The following TRAPPC12 variants were observed in gnomAD, a reference collection of about 807,000 sequenced individuals.
The protein encoded by TRAPPC12 is trafficking protein particle complex subunit 12.
Under a neutral mutation model 69.2 loss-of-function variants are expected in TRAPPC12, and 61 were observed. The observed-to-expected ratio is 0.88, with a 90% CI of 0.72 to 1.09. The LOEUF (loss-of-function observed/expected upper bound fraction) is 1.09, where lower values mean the gene tolerates loss of function less well. TRAPPC12 is among the 50% of genes least tolerant of loss of function. The pLI, the probability that TRAPPC12 is intolerant of heterozygous loss-of-function variation, is 0.00. For synonymous variants in TRAPPC12, 469 were observed against 438.9 expected, an observed-to-expected ratio of 1.07 and a Z score of -0.86; for missense variants, 1,101 against 1,016.4, an observed-to-expected ratio of 1.08 and a Z score of -1.13.
intron 5 of TRAPPC12, among the ~76,000 whole-genome samples, chr2:3,429,944 C>T (rs1007223193): frequency 6.6e-6 from 1 of 152,246 alleles, no homozygotes; most frequent in Non-Finnish European, 1.5e-5. Flanking sequence ...ATTCAGTCCC[C>T]TCCCAGAGGC....
intron 5 of TRAPPC12, among the ~76,000 whole-genome samples, chr2:3,436,275 C>T (rs1663771788): frequency 6.6e-6 from 1 of 152,164 alleles, no homozygotes; most frequent in African/African-American, 2.4e-5. Flanking sequence ...ATCCCAAGAA[C>T]ACAGTCCTTC....
intron 3 of TRAPPC12, among the ~76,000 whole-genome samples, chr2:3,418,619 C>T (rs957713027): frequency 6.6e-6 from 1 of 152,222 alleles, no homozygotes; most frequent in Admixed American, 6.5e-5. Context: ...AACCTTATCA[C>T]CGTGCAGGTG....
chr2:3,394,506 A>C (rs1205863753), intron 2 of TRAPPC12, among the ~76,000 whole-genome samples: 1 of 152,158 alleles, frequency 6.6e-6, no homozygotes, highest in East Asian at 1.9e-4. Flanking sequence ...CTGTAGTCCC[A>C]GCTACTTGCG....
chr2:3,396,399 T>C (rs1661136334), intron 2 of TRAPPC12, among the ~76,000 whole-genome samples: 1 of 152,228 alleles, frequency 6.6e-6, no homozygotes, highest in South Asian at 2.1e-4. Flanking sequence ...CCCTGGTTTT[T>C]CAGCAGTTTG....
Position 3,421,946 on chromosome 2 carries a change from C to T in TRAPPC12, c.1230C>T (p.Gly410=), listed in dbSNP as rs1662817104. 3 of 1,613,736 alleles carry T rather than the reference C, an allele frequency of 1.9e-6. No individual in the cohort carries two copies. Among genetic ancestry groups the T allele is most frequent in the East Asian group, 2.2e-5 (1 of 44,886 alleles). The stretch of plus-strand genomic sequence containing the variant: ...GTCTCCTCACAGCCCACGGCCAGGG[C>T]TACGGCAAGAGCGGGCTGCTCACCA... ...CGRLLTAHGQ[G]YGKSGLLTSH... is the part of the protein sequence containing the mutation. Residue 410 remains glycine, a synonymous_variant, in exon 4 of 12, where the codon GGC becomes GGT. Coordinates refer to ENST00000324266, the MANE Select transcript of TRAPPC12 (RefSeq NM_016030.6).
At chr2:3,420,357 A>C (rs1675075455) in intron 3 of TRAPPC12, among the ~76,000 whole-genome samples, 1 of 139,922 alleles carries the variant, frequency 7.1e-6, no homozygotes, top group Admixed American at 7.2e-5. Flanking sequence ...ATAGAGTTTC[A>C]CTAGGCACGC....
At chr2:3,403,014 A>T (rs534325377) in intron 3 of TRAPPC12, among the ~76,000 whole-genome samples, 21 of 152,244 alleles carry the variant, frequency 1.4e-4, no homozygotes, top group African/African-American at 4.1e-4. Context: ...GCTGTCTGAA[A>T]CTCATGTTGA....
At chr2:3,383,752 G>C (rs989151446) in intron 1 of TRAPPC12, among the ~76,000 whole-genome samples, 2 of 151,872 alleles carry the variant, frequency 1.3e-5, no homozygotes, top group African/African-American at 4.8e-5. Context: ...TGTGTCTGTG[G>C]TGAGACAAGA....
intron 5 of TRAPPC12, among the ~76,000 whole-genome samples, chr2:3,435,578 G>A (rs1250842417): frequency 1.3e-5 from 2 of 152,248 alleles, no homozygotes; most frequent in Non-Finnish European, 1.5e-5. Flanking sequence ...AAAAGAGCCC[G>A]GAAGTTGGGT....
chr2:3,402,140 TTTGA>T lies in TRAPPC12; in HGVS notation c.1164+252_1164+255del, dbSNP rs1375967234. ...TCAAATTACTCAAAGCAGTGCATAC[TTTGA>T]TTGAGTTTGCTTCATCATATATAAT... On this transcript the variant is annotated intron_variant, in intron 3 of 11. Coordinates refer to ENST00000324266, the MANE Select transcript of TRAPPC12 (RefSeq NM_016030.6). Among the ~76,000 whole-genome samples, 9 of 152,354 alleles carry T rather than the reference TTTGA, an allele frequency of 5.9e-5. No individual in the cohort carries two copies. The South Asian group carries it at 8.3e-4, about 14-fold the overall frequency.
intron 1 of TRAPPC12, among the ~76,000 whole-genome samples, chr2:3,384,234 T>C (rs1358342022): frequency 1.3e-5 from 2 of 152,172 alleles, no homozygotes; most frequent in Non-Finnish European, 2.9e-5. Context: ...TTTGATGTAT[T>C]CTACATAAAT....
chr2:3,450,561 C>A (rs904582629), intron 6 of TRAPPC12, among the ~76,000 whole-genome samples: 1 of 152,156 alleles, frequency 6.6e-6, no homozygotes, highest in Non-Finnish European at 1.5e-5. Flanking sequence ...GGCGAGGGGG[C>A]GCACGTCAGT....
At chr2:3,404,213 C>T (rs865956355) in intron 3 of TRAPPC12, among the ~76,000 whole-genome samples, 11 of 152,228 alleles carry the variant, frequency 7.2e-5, no homozygotes, top group Middle Eastern at 3.4e-3. Flanking sequence ...GCTGTGAGGT[C>T]GCGCAGGGAC....
chr2:3,443,263 G>A (rs542068465), intron 5 of TRAPPC12, among the ~76,000 whole-genome samples: 1 of 152,312 alleles, frequency 6.6e-6, no homozygotes, highest in Admixed American at 6.5e-5. Flanking sequence ...CCATCCCCAG[G>A]GCCGAGGCCT....
intron 3 of TRAPPC12, among the ~76,000 whole-genome samples, chr2:3,419,977 T>G (rs1327016522): frequency 6.6e-6 from 1 of 152,192 alleles, no homozygotes; most frequent in Non-Finnish European, 1.5e-5. Flanking sequence ...AACATACTCT[T>G]AGGTACAACC....
chr2:3,431,003 G>A (rs749164423), intron 5 of TRAPPC12, among the ~76,000 whole-genome samples: 15 of 151,690 alleles, frequency 9.9e-5, no homozygotes, highest in African/African-American at 2.4e-4. Flanking sequence ...GGGACCGTCC[G>A]CTGGGTGTGG....
chr2:3,471,546 C>G (rs1396393163), intron 9 of TRAPPC12, among the ~76,000 whole-genome samples: 1 of 152,144 alleles, frequency 6.6e-6, no homozygotes, highest in Non-Finnish European at 1.5e-5. Flanking sequence ...AGCAAGGGGG[C>G]TGGGGGTTAG....
At chr2:3,463,633 G>A (rs747031391) in intron 8 of TRAPPC12, among the ~76,000 whole-genome samples, 4 of 151,156 alleles carry the variant, frequency 2.6e-5, no homozygotes, top group African/African-American at 7.3e-5. Context: ...AGGGTGATGC[G>A]GCTGGCCACG....
chr2:3,429,490 T>G (rs549936549), intron 5 of TRAPPC12, among the ~76,000 whole-genome samples: 165 of 152,336 alleles, frequency 1.1e-3, no homozygotes, highest in Middle Eastern at 3.4e-3. Context: ...TATCTTAAAT[T>G]TGCCTTTCCT....
Sources: allele counts gnomAD v4.1 joint callset (sites outside exome capture counted in the v4.1 genomes callset), GRCh38; gene constraint gnomAD v4.1.1; transcripts MANE v1.5; gene names NCBI Gene and HGNC (gene_info 2026-07-23, HGNC 2026-07-21).